ZNF57: variants seen among roughly 807,000 people sequenced by gnomAD.
ZNF57 encodes zinc finger protein 424.
ZNF57 carries 11 observed loss-of-function variants against 13.4 expected under a neutral mutation model. The ratio of observed to expected loss-of-function variants is 0.82; its 90% CI spans 0.52 to 1.36. ZNF57 has a LOEUF of 1.36. ZNF57 is among the 40% of genes most tolerant of loss of function. The pLI, the probability that ZNF57 is intolerant of heterozygous loss-of-function variation, is 0.00. For synonymous variants in ZNF57, 224 were observed against 238.5 expected, an observed-to-expected ratio of 0.94 and a Z score of 0.56; for missense variants, 696 against 667.5, an observed-to-expected ratio of 1.04 and a Z score of -0.47.
chr19:2,913,474 A>ATAAG (rs561607762), intron 1 of ZNF57, among the ~76,000 whole-genome samples: 67 of 152,214 alleles, frequency 4.4e-4, no homozygotes, highest in African/African-American at 1.5e-3. Context: ...CTTCCTTTAT[A>ATAAG]TAAGTTTTGG....
At chr19:2,909,344 G>A (rs1297662578) in intron 1 of ZNF57, among the ~76,000 whole-genome samples, 3 of 80,472 alleles carry the variant, frequency 3.7e-5, no homozygotes, top group Admixed American at 2.8e-4. Context: ...GCAGTGGCGC[G>A]ATCTCGGCTC....
intron 1 of ZNF57, among the ~76,000 whole-genome samples, chr19:2,912,493 G>A (rs1734692698): frequency 6.6e-6 from 1 of 152,118 alleles, no homozygotes. Context: ...TTCCCACAGA[G>A]GCTTCTGTTC....
intron 1 of ZNF57, among the ~76,000 whole-genome samples, chr19:2,911,554 C>CA (rs1482907833): frequency 2.6e-5 from 4 of 151,370 alleles, no homozygotes; most frequent in Non-Finnish European, 5.9e-5. Flanking sequence ...AAAACGACAA[C>CA]AAAAAAAACT....
At chr19:2,909,287 T>TG (rs1453074160) in intron 1 of ZNF57, among the ~76,000 whole-genome samples, 5 of 134,148 alleles carry the variant, frequency 3.7e-5, no homozygotes, top group South Asian at 2.6e-4. Flanking sequence ...TTTTGTTTTT[T>TG]TTTTTTTTTT....
At chr19:2,912,029 A>T (rs1284637275) in intron 1 of ZNF57, 1 of 152,220 alleles carries the variant, frequency 6.6e-6, no homozygotes, top group East Asian at 1.9e-4. Context: ...GGAAAGCCAG[A>T]CGCAATGTAC....
At chr19:2,910,600 A>AC (rs2144926709) in intron 1 of ZNF57, among the ~76,000 whole-genome samples, 1 of 109,856 alleles carries the variant, frequency 9.1e-6, no homozygotes, top group East Asian at 3.6e-4. Context: ...AGCTGGGACT[A>AC]CAGGTACTCC....
rs780260404 is a variant in ZNF57, at chr19:2,917,632, ATGTGAACAC to A, written c.1016_1024del (p.Glu339_Cys341del). 1.1e-5 allele frequency: 17 copies of A among 1,613,620 alleles called. No homozygotes were observed. The highest frequency in any genetic ancestry group is 1.4e-5 in the Non-Finnish European group (16 of 1,179,778). On this transcript the variant is annotated inframe_deletion, in exon 4 of 4. Transcript: ENST00000306908. Reference sequence around the variant, plus strand: ...TCCACACTGGGGACAAACTCTATAAATGTGAACACTGTGGGAAGGCTTTTACCTCTTCCA... The same window carrying A: ...TCCACACTGGGGACAAACTCTATAAATGTGGGAAGGCTTTTACCTCTTCCA...
At chr19:2,908,239 G>T (rs1049977310) in intron 1 of ZNF57, among the ~76,000 whole-genome samples, 2 of 152,156 alleles carry the variant, frequency 1.3e-5, no homozygotes, top group African/African-American at 4.8e-5. Flanking sequence ...TTTGCAAAAA[G>T]ACAAGTTTAT....
chr19:2,911,616 C>T (rs181818684), intron 1 of ZNF57, among the ~76,000 whole-genome samples: 1 of 152,082 alleles, frequency 6.6e-6, no homozygotes, highest in African/African-American at 2.4e-5. Flanking sequence ...GAACTCCTGG[C>T]CTCAAGCAAT....
At position 2,918,393 on chromosome 19, in the gene ZNF57, T is replaced by A; in HGVS notation, c.*104T>A. The A allele has an allele frequency of 8.0e-7, 1 of 1,253,026 alleles. No individual in the cohort carries two copies. The highest frequency in any genetic ancestry group is 1.1e-6 in the Non-Finnish European group (1 of 913,324). 77.6% of individuals were successfully genotyped at this position (1,253,026 alleles called of 1,614,324 possible). ...AAATCTTACAAGTATGATATTGTCT[T>A]TGTCAATACCTCATTTGTAAAACAG... is the stretch of plus-strand genomic sequence containing the variant. On this transcript the variant is annotated 3_prime_UTR_variant, in exon 4 of 4. Coordinates refer to ENST00000306908, the MANE Select transcript of ZNF57 (RefSeq NM_173480.3).
chr19:2,905,764 CA>C (rs35657642), intron 1 of ZNF57, among the ~76,000 whole-genome samples: 60 of 120,664 alleles, frequency 5.0e-4, no homozygotes, highest in East Asian at 4.2e-3. Context: ...GACTCTGTCT[CA>C]AAAAAAAAAA....
intron 1 of ZNF57, among the ~76,000 whole-genome samples, chr19:2,904,341 G>A (rs2088055452): frequency 6.6e-6 from 1 of 151,924 alleles, no homozygotes; most frequent in Admixed American, 6.6e-5. Context: ...CATTTATTTT[G>A]TGTACTTATT....
At chr19:2,916,010 C>T in intron 2 of ZNF57, 68 bp from the exon 3 acceptor site, 1 of 1,526,306 alleles carries the variant, frequency 6.6e-7, no homozygotes. Flanking sequence ...ATGCTAAACT[C>T]CTCAGTGTCT....
chr19:2,915,410 AGAG>A, intron 1 of ZNF57, 109 bp from the exon 2 acceptor site: 1 of 1,390,308 alleles, frequency 7.2e-7, no homozygotes, highest in South Asian at 1.4e-5. Context: ...TTCGCGTCAT[AGAG>A]GAGGTGTTGG....
chr19:2,915,782 T>G, intron 2 of ZNF57, 134 bp downstream of exon 2: 1 of 1,377,856 alleles, frequency 7.3e-7, no homozygotes, highest in Non-Finnish European at 1.0e-6. Flanking sequence ...TAGAATCTAG[T>G]CATTATTCCC....
intron 1 of ZNF57, chr19:2,912,300 C>G (rs2088145082): frequency 6.6e-6 from 1 of 152,196 alleles, no homozygotes; most frequent in African/African-American, 2.4e-5. Flanking sequence ...AGGTGAGGCT[C>G]TGATCAAATA....
At chr19:2,905,405 T>TCCCCCC (rs140126572) in intron 1 of ZNF57, among the ~76,000 whole-genome samples, 2 of 47,508 alleles carry the variant, frequency 4.2e-5, no homozygotes, top group Non-Finnish European at 8.1e-5. Flanking sequence ...CTTCAGGTGA[T>TCCCCCC]CGCCCCCCCC....
In ZNF57 at chr19:2,904,264, A is replaced by T. The variant is rs192003224; in HGVS notation, c.3+3216A>T. Among the ~76,000 whole-genome samples the T allele has an allele frequency of 1.7e-3, 262 of 152,292 alleles. 2 individuals carry two copies. The highest frequency in any genetic ancestry group is 2.6e-3 in the Non-Finnish European group (175 of 68,030). The stretch of plus-strand genomic sequence containing the variant: ...CTTTGCGCACATGCTGGTGTCTGAG[A>T]CAGTGGGTGACGCAGTTAGTTCAAT... On this transcript the variant is annotated intron_variant, in intron 1 of 3. Transcript: ENST00000306908.
intron 1 of ZNF57, 21 bp downstream of exon 1, chr19:2,901,069 G>C: frequency 6.4e-7 from 1 of 1,554,844 alleles, no homozygotes; most frequent in Non-Finnish European, 8.7e-7. Context: ...GGCAGGAGCA[G>C]AGCCAGGGGA....
Sources: gnomAD v4.1 joint callset for allele counts (sites outside exome capture counted in the v4.1 genomes callset) on GRCh38, gnomAD v4.1.1 for gene constraint, MANE v1.5 for transcripts, NCBI Gene and HGNC (gene_info 2026-07-23, HGNC 2026-07-21) for gene names.